The following LAMA3 variants were observed in gnomAD, a reference collection of about 807,000 sequenced individuals.
LAMA3 encodes laminin subunit alpha 3.
In LAMA3, 281 loss-of-function variants were observed where a neutral mutation model predicts 402.0. The ratio of observed to expected loss-of-function variants is 0.70; its 90% CI spans 0.63 to 0.77. The LOEUF (loss-of-function observed/expected upper bound fraction) is 0.77. Among genes scored for constraint, LAMA3 ranks in the 30% least tolerant of loss-of-function variants. LAMA3 has a pLI of 0.00. For synonymous variants in LAMA3, 1,431 were observed against 1,558.4 expected (o/e 0.92, Z 1.93); for missense variants, 3,840 against 4,215.5 (o/e 0.91, Z 2.47).
rs1007103247 is a variant in LAMA3, at chr18:23,901,267, G to A, written c.6145G>A (p.Ala2049Thr). 2 of 1,614,230 alleles carry A rather than the reference G, an allele frequency of 1.2e-6. No homozygotes were observed. Among genetic ancestry groups the A allele is most frequent in the Admixed American group, 1.7e-5 (1 of 60,028 alleles). ...RARLQEAAAQ[A>T]KQANGLNQEN... is the part of the protein sequence containing the mutation. ...TCGGCTGCAGGAGGCAGCTGCCCAA[G>A]CCAAGCAGGCAAATGGCTTGAACCA... Residue 2049 changes from alanine to threonine, a missense_variant, in exon 48 of 75, where the codon GCC becomes ACC. This residue lies in a region of LAMA3 where 891 missense variants were observed against 857.5 expected (regional missense o/e 1.04). Transcript: ENST00000313654.
At chr18:23,813,821 C>T (rs796664272) in intron 14 of LAMA3, among the ~76,000 whole-genome samples, 5 of 152,046 alleles carry the variant, frequency 3.3e-5, no homozygotes, top group South Asian at 4.1e-4. Flanking sequence ...GGGTTACAGG[C>T]GTGAGCTACC....
Position 23,855,835 on chromosome 18 carries a change from G to A in LAMA3, c.4137-2009G>A, listed in dbSNP as rs565242409. Among the ~76,000 whole-genome samples the A allele has an allele frequency of 1.1e-4, 17 of 152,248 alleles. No homozygotes were observed. In the South Asian group the frequency reaches 3.3e-3, roughly 30 times the overall value. ...CTTCCTTATGGAATCATTTCTGCAG[G>A]TATCGAGTAGGGAGAGGTGAGAGGG... is the stretch of plus-strand genomic sequence containing the variant. On this transcript the variant is annotated intron_variant, in intron 32 of 74. Coordinates refer to ENST00000313654, the MANE Select transcript of LAMA3 (RefSeq NM_198129.4).
At chr18:23,694,907 T>C (rs1440430159) in intron 1 of LAMA3, among the ~76,000 whole-genome samples, 1 of 152,224 alleles carries the variant, frequency 6.6e-6, no homozygotes, top group African/African-American at 2.4e-5. Flanking sequence ...CACTGTTTCC[T>C]TGTGGAAGCT....
chr18:23,837,570 G>GAGATATATATATATATAT (rs1555707624), intron 25 of LAMA3, among the ~76,000 whole-genome samples: 2 of 83,284 alleles, frequency 2.4e-5, no homozygotes, highest in African/African-American at 9.0e-5. Flanking sequence ...CAGTTAATCA[G>GAGATATATATATATATAT]ATATATATAT....
At chr18:23,916,220 G>A (rs1411343832) in intron 59 of LAMA3, among the ~76,000 whole-genome samples, 1 of 151,864 alleles carries the variant, frequency 6.6e-6, no homozygotes, top group African/African-American at 2.4e-5. Flanking sequence ...TTATTATTCA[G>A]AATAAAATTA....
At chr18:23,806,254 T>C (rs1473334318) in intron 12 of LAMA3, among the ~76,000 whole-genome samples, 1 of 152,218 alleles carries the variant, frequency 6.6e-6, no homozygotes, top group Non-Finnish European at 1.5e-5. Context: ...ATGGCAGCAG[T>C]TTCCACATCC....
chr18:23,861,541 C>T lies in LAMA3; in HGVS notation c.4423-105C>T, dbSNP rs1307913847. 3 of 1,312,542 alleles carry T rather than the reference C, an allele frequency of 2.3e-6. No homozygotes were observed. The East Asian group carries it at 7.0e-5, about 31-fold the overall frequency. The allele number at this position is 1,312,542 out of a possible 1,614,324, so 81.3% of individuals were successfully genotyped here. ...AGACGCATAAAGGAGGCCTCTGAGGCAAGGAGGCTGCCCGTGGAGCTTTCT... is the reference window on the plus strand; with the variant it reads ...AGACGCATAAAGGAGGCCTCTGAGGTAAGGAGGCTGCCCGTGGAGCTTTCT... On this transcript the variant is annotated intron_variant, in intron 34 of 74. Coordinates refer to ENST00000313654, the MANE Select transcript of LAMA3 (RefSeq NM_198129.4).
Position 23,838,765 on chromosome 18 carries a change from T to C in LAMA3, c.3094-16T>C. On this transcript the variant is annotated splice_polypyrimidine_tract_variant and intron_variant, in intron 25 of 74. Transcript: ENST00000313654. Reference sequence around the variant, plus strand: ...GTAACTGCAATGTGCCTTTGTGCATTGTATTTGCTCACTAGCATCAAGTTT... The same window carrying C: ...GTAACTGCAATGTGCCTTTGTGCATCGTATTTGCTCACTAGCATCAAGTTT... 6.7e-7 allele frequency: 1 copy of C among 1,486,724 alleles called. No homozygotes were observed. The highest frequency in any genetic ancestry group is 9.4e-7 in the Non-Finnish European group (1 of 1,063,754). The allele number at this position is 1,486,724 out of a possible 1,614,324, so 92.1% of individuals were successfully genotyped here. A position where few individuals can be genotyped will look rare whatever the true frequency, so the allele number is the denominator to read the frequency against.
At chr18:23,706,355 C>T (rs189260259) in intron 1 of LAMA3, among the ~76,000 whole-genome samples, 9 of 152,122 alleles carry the variant, frequency 5.9e-5, no homozygotes, top group African/African-American at 1.9e-4. Context: ...AGTAGAATGC[C>T]GTATCATAGG....
Position 23,899,311 on chromosome 18 carries a change from A to G in LAMA3, c.5860A>G (p.Thr1954Ala). 1 of 1,613,942 alleles carries G rather than the reference A, an allele frequency of 6.2e-7. No homozygotes were observed. Among genetic ancestry groups the G allele is most frequent in the Middle Eastern group, 1.6e-4 (1 of 6,062 alleles). The change falls in exon 47 of 75, where the codon ACA (threonine) becomes GCA (alanine). Residue 1954 changes from threonine to alanine, a missense_variant. By Grantham distance (58) the Thr-to-Ala change is moderately conservative. Transcript: ENST00000313654. ...VHILLKQISGTDGEGNNVPSG... is the reference protein window; with the variant it reads ...VHILLKQISGADGEGNNVPSG... ...AGTTCTTTTAAAGCAGATCTCTGGG[A>G]CAGATGGAGAGGGAAACAACGTGCC...
Position 23,867,926 on chromosome 18 carries a change from A to G in LAMA3, c.4767+9A>G. On this transcript the variant is annotated intron_variant, in intron 37 of 74. Transcript: ENST00000313654. ...GAGTGCACGTGGTCGAGGTAAAGGA[A>G]GAGCAACCATAGGATGGTCCTTTCT... is the stretch of plus-strand genomic sequence containing the variant. 1 of 1,610,380 alleles carries G rather than the reference A, an allele frequency of 6.2e-7. No homozygotes were observed. Among genetic ancestry groups the G allele is most frequent in the Non-Finnish European group, 8.5e-7 (1 of 1,176,608 alleles).
intron 9 of LAMA3, among the ~76,000 whole-genome samples, chr18:23,773,826 A>G (rs1011994998): frequency 6.6e-6 from 1 of 152,380 alleles, no homozygotes; most frequent in Middle Eastern, 3.4e-3. Flanking sequence ...AAAAGCATGT[A>G]GGAAAATACT....
chr18:23,902,473 A>G (rs967371502), intron 48 of LAMA3, among the ~76,000 whole-genome samples: 1 of 152,206 alleles, frequency 6.6e-6, no homozygotes, highest in African/African-American at 2.4e-5. Flanking sequence ...GTCTTAGTGG[A>G]TGACTCCATG....
intron 68 of LAMA3, 103 bp downstream of exon 68, chr18:23,939,489 G>A: frequency 8.0e-7 from 1 of 1,249,352 alleles, no homozygotes; most frequent in Admixed American, 1.7e-5. Flanking sequence ...TCTCTCTAAT[G>A]AAGGTGGCAC....
rs2061737151 is a variant in LAMA3 at position 23,750,837 on chromosome 18, T to C, written c.685-81T>C. The C allele has an allele frequency of 3.5e-6, 5 of 1,447,202 alleles. No individual in the cohort carries two copies. The Admixed American group carries it at 6.7e-5, about 19-fold the overall frequency. 89.6% of individuals were successfully genotyped at this position (1,447,202 alleles called of 1,614,324 possible). A position where few individuals can be genotyped will look rare whatever the true frequency, so the allele number is the denominator to read the frequency against. On this transcript the variant is annotated intron_variant, in intron 4 of 74. Transcript: ENST00000313654. The stretch of plus-strand genomic sequence containing the variant: ...CAAAGAAACCAAGTGCCTTGGGGCA[T>C]GTGAGTTATTTTTACTTACTTGCTG...
At chr18:23,866,710 A>T (rs1037494485) in intron 36 of LAMA3, among the ~76,000 whole-genome samples, 7 of 152,294 alleles carry the variant, frequency 4.6e-5, no homozygotes, top group African/African-American at 1.7e-4. Context: ...TTTCTGTTTA[A>T]TTTTACCTTC....
rs143830310 is a variant in LAMA3, at chr18:23,921,508, A to G, written c.8100A>G (p.Gln2700=). 6.2e-7 allele frequency: 1 copy of G among 1,613,870 alleles called. No individual in the cohort carries two copies. The highest frequency in any genetic ancestry group is 8.5e-7 in the Non-Finnish European group (1 of 1,179,778). Residue 2700 remains glutamine, a synonymous_variant, in exon 62 of 75, where the codon CAA becomes CAG. Coordinates refer to ENST00000313654, the MANE Select transcript of LAMA3 (RefSeq NM_198129.4). ...QKRMWINVDV[Q]NTIIDGEVFD... ...GTATGTGGATAAATGTGGACGTTCA[A>G]AACACTATAATTGATGGTGAAGTAT...
chr18:23,732,643 A>T (rs2061412478), intron 2 of LAMA3, among the ~76,000 whole-genome samples: 1 of 152,058 alleles, frequency 6.6e-6, no homozygotes, highest in Admixed American at 6.6e-5. Flanking sequence ...CTCAACCTGT[A>T]GCTGTTTGAG....
intron 18 of LAMA3, among the ~76,000 whole-genome samples, chr18:23,819,241 A>T (rs577864420): frequency 6.6e-6 from 1 of 151,246 alleles, no homozygotes; most frequent in Non-Finnish European, 1.5e-5. Context: ...AATATTTTGG[A>T]TACTTCTCTG....
Sources: allele counts gnomAD v4.1 joint callset (sites outside exome capture counted in the v4.1 genomes callset), GRCh38; gene constraint gnomAD v4.1.1; regional missense constraint gnomAD v4.1.1; transcripts MANE v1.5; gene names NCBI Gene and HGNC (gene_info 2026-07-23, HGNC 2026-07-21).